MAPKAP1: variants seen among roughly 807,000 people sequenced by gnomAD.
MAPKAP1 encodes MAPK associated protein 1.
Under a neutral mutation model 65.7 loss-of-function variants are expected in MAPKAP1, and 20 were observed. That is an observed-to-expected ratio of 0.30 (90% CI 0.21 to 0.44). The LOEUF (loss-of-function observed/expected upper bound fraction) is 0.44, where lower values mean the gene tolerates loss of function less well. Among genes scored for constraint, MAPKAP1 ranks in the 20% least tolerant of loss-of-function variants. The pLI, the probability that MAPKAP1 is intolerant of heterozygous loss-of-function variation, is 1.00. For synonymous variants in MAPKAP1, 222 were observed against 244.3 expected, an observed-to-expected ratio of 0.91 and a Z score of 0.85; for missense variants, 423 against 648.0, an observed-to-expected ratio of 0.65 and a Z score of 3.77.
chr9:125,455,714 C>T (rs953728585), intron 10 of MAPKAP1, among the ~76,000 whole-genome samples: 15 of 152,140 alleles, frequency 9.9e-5, no homozygotes, highest in African/African-American at 3.4e-4. Flanking sequence ...TCTTGCCTGA[C>T]AGGCCATACA....
At chr9:125,526,636 G>T (rs1225483481) in intron 7 of MAPKAP1, among the ~76,000 whole-genome samples, 2 of 152,094 alleles carry the variant, frequency 1.3e-5, no homozygotes, top group Non-Finnish European at 2.9e-5. Flanking sequence ...TAGGAGAAAG[G>T]GCGTTTTCAA....
At chr9:125,590,587 T>A (rs1831927824) in intron 4 of MAPKAP1, among the ~76,000 whole-genome samples, 1 of 151,426 alleles carries the variant, frequency 6.6e-6, no homozygotes, top group African/African-American at 2.4e-5. Context: ...GAGGCAGAAG[T>A]TGCAATGAGC....
chr9:125,700,848 G>A (rs538768402), intron 1 of MAPKAP1, among the ~76,000 whole-genome samples: 1 of 152,130 alleles, frequency 6.6e-6, no homozygotes, highest in African/African-American at 2.4e-5. Context: ...TTAAACTCTT[G>A]GGCTGGGAAC....
chr9:125,697,839 A>T (rs1056574174), intron 1 of MAPKAP1, among the ~76,000 whole-genome samples: 7 of 152,086 alleles, frequency 4.6e-5, no homozygotes, highest in African/African-American at 1.7e-4. Flanking sequence ...CCATCTTACC[A>T]CCAATCTTTA....
chr9:125,595,629 C>T lies in MAPKAP1; in HGVS notation c.499-9902G>A, dbSNP rs78307913. The T allele has an allele frequency of 0.018, 25,850 of 1,433,652 alleles. 413 individuals are homozygous for T. Among genetic ancestry groups the T allele is most frequent in the African/African-American group, 0.073 (5,121 of 70,032 alleles). 88.8% of individuals were successfully genotyped at this position (1,433,652 alleles called of 1,614,324 possible). On this transcript the variant is annotated intron_variant, in intron 4 of 11. Transcript: ENST00000265960. This position sits in a 1 kb window ranked among gnomAD's most constrained non-coding sequence, Gnocchi z 4.0. ...GCTTACTCCTTTCTGCCTGTGGACA[C>T]GCCAAGGAAGCATCGTTAAAGTCTC...
At chr9:125,524,668 C>T (rs1343557964) in intron 7 of MAPKAP1, among the ~76,000 whole-genome samples, 2 of 152,320 alleles carry the variant, frequency 1.3e-5, no homozygotes, top group East Asian at 1.9e-4. Flanking sequence ...CTTGTTAGAT[C>T]TATTATCTGG....
chr9:125,541,367 G>T (rs563966450), intron 7 of MAPKAP1, among the ~76,000 whole-genome samples: 1 of 152,280 alleles, frequency 6.6e-6, no homozygotes, highest in Non-Finnish European at 1.5e-5. Flanking sequence ...ATCTGTGACA[G>T]TGGAATTTCT....
At chr9:125,693,476 CACAT>C (rs1038151222) in intron 1 of MAPKAP1, among the ~76,000 whole-genome samples, 4 of 149,678 alleles carry the variant, frequency 2.7e-5, no homozygotes, top group African/African-American at 4.9e-5. Context: ...TATATACACA[CACAT>C]ATACACATAT....
chr9:125,456,192 G>A (rs558768305), intron 10 of MAPKAP1, among the ~76,000 whole-genome samples: 2 of 152,228 alleles, frequency 1.3e-5, no homozygotes, highest in Admixed American at 1.3e-4. Context: ...CTGGTTCTCA[G>A]CAGTTTGATT....
chr9:125,625,432 AAAAC>A (rs1833089577), intron 4 of MAPKAP1, among the ~76,000 whole-genome samples: 1 of 152,148 alleles, frequency 6.6e-6, no homozygotes, highest in Non-Finnish European at 1.5e-5. Context: ...AAAACAAAAC[AAAAC>A]AAACCAACCC....
intron 7 of MAPKAP1, among the ~76,000 whole-genome samples, chr9:125,518,116 C>T (rs1829515878): frequency 6.6e-6 from 1 of 152,116 alleles, no homozygotes; most frequent in Non-Finnish European, 1.5e-5. Context: ...ATATTCCTAT[C>T]CTAAGAAATA....
chr9:125,658,764 T>C (rs752980304), intron 3 of MAPKAP1, among the ~76,000 whole-genome samples: 3 of 152,244 alleles, frequency 2.0e-5, no homozygotes, highest in Non-Finnish European at 4.4e-5. Flanking sequence ...AATTGGAATA[T>C]CAATCAAGGT....
intron 4 of MAPKAP1, among the ~76,000 whole-genome samples, chr9:125,639,656 T>G (rs1165233262): frequency 2.6e-5 from 4 of 152,078 alleles, no homozygotes; most frequent in Non-Finnish European, 5.9e-5. Flanking sequence ...GTTGTGGAAG[T>G]ACAGAGGAGG....
intron 6 of MAPKAP1, among the ~76,000 whole-genome samples, chr9:125,550,941 T>A (rs1383922938): frequency 6.6e-6 from 1 of 152,220 alleles, no homozygotes; most frequent in Non-Finnish European, 1.5e-5. Context: ...TTATTCCTTA[T>A]TCTATTTTAG....
chr9:125,539,303 A>G (rs1830170811), intron 7 of MAPKAP1, among the ~76,000 whole-genome samples: 1 of 152,240 alleles, frequency 6.6e-6, no homozygotes, highest in Non-Finnish European at 1.5e-5. Context: ...GGAATAAGAA[A>G]AAGTTAAGAT....
At chr9:125,572,964 C>G (rs935703589) in intron 5 of MAPKAP1, 14 of 152,176 alleles carry the variant, frequency 9.2e-5, no homozygotes, top group African/African-American at 3.4e-4. Flanking sequence ...TCACTGAGCT[C>G]CTGTCTACTC....
At chr9:125,500,573 A>T (rs79175971) in intron 8 of MAPKAP1, among the ~76,000 whole-genome samples, 7,052 of 152,250 alleles carry the variant, frequency 0.046, 277 homozygotes, top group East Asian at 0.14. Context: ...CACACCTATG[A>T]TACATACATG....
intron 8 of MAPKAP1, among the ~76,000 whole-genome samples, chr9:125,497,398 C>T (rs144559272): frequency 1.1e-3 from 162 of 152,310 alleles, no homozygotes; most frequent in African/African-American, 3.8e-3. Context: ...TTAGGAAATA[C>T]AATAATTAGA....
At chr9:125,696,734 C>G (rs923159891) in intron 1 of MAPKAP1, among the ~76,000 whole-genome samples, 2 of 152,148 alleles carry the variant, frequency 1.3e-5, no homozygotes, top group Non-Finnish European at 2.9e-5. Flanking sequence ...TGTTTTACTT[C>G]CACAGTCTTC....
Sources: allele counts gnomAD v4.1 joint callset (sites outside exome capture counted in the v4.1 genomes callset), GRCh38; gene constraint gnomAD v4.1.1; non-coding constraint Gnocchi (gnomAD v3.1); transcripts MANE v1.5; gene names NCBI Gene and HGNC (gene_info 2026-07-23, HGNC 2026-07-21).